USH2A: variants seen among roughly 807,000 people sequenced by gnomAD.
The protein encoded by USH2A is usherin.
USH2A carries 443 observed loss-of-function variants against 538.9 expected under a neutral mutation model. The ratio of observed to expected loss-of-function variants is 0.82; its 90% CI spans 0.76 to 0.89. The LOEUF is 0.89. USH2A is among the 40% of genes least tolerant of loss of function. The pLI, the probability that USH2A is intolerant of heterozygous loss-of-function variation, is 0.00. For synonymous variants in USH2A, 2,413 were observed against 2,273.5 expected (o/e 1.06, Z -1.75); for missense variants, 6,633 against 6,324.8 (o/e 1.05, Z -1.65).
At chr1:215,880,319 G>T (rs142501357) in intron 41 of USH2A, among the ~76,000 whole-genome samples, 1 of 152,044 alleles carries the variant, frequency 6.6e-6, no homozygotes, top group Non-Finnish European at 1.5e-5. Flanking sequence ...ACTAATAATT[G>T]GTGACAAAAG....
intron 60 of USH2A, among the ~76,000 whole-genome samples, chr1:215,739,592 C>A (rs1406370046): frequency 6.6e-6 from 1 of 152,216 alleles, no homozygotes; most frequent in Non-Finnish European, 1.5e-5. Context: ...TTAGAGCCTG[C>A]ACTAATGTGC....
intron 14 of USH2A, 64 bp downstream of exon 14, chr1:216,231,889 C>A (rs2035703113): frequency 6.2e-7 from 1 of 1,603,372 alleles, no homozygotes; most frequent in Non-Finnish European, 8.5e-7. Context: ...TGCTTTGCAA[C>A]TGCCAAAAAA....
intron 61 of USH2A, among the ~76,000 whole-genome samples, chr1:215,692,012 A>G (rs1658629835): frequency 6.6e-6 from 1 of 152,224 alleles, no homozygotes; most frequent in African/African-American, 2.4e-5. Flanking sequence ...AGCTGAGACC[A>G]GGACAATAAA....
At chr1:215,862,090 G>A (rs1003189623) in intron 44 of USH2A, among the ~76,000 whole-genome samples, 3 of 152,016 alleles carry the variant, frequency 2.0e-5, no homozygotes, top group East Asian at 1.9e-4. Flanking sequence ...CGCCCACCTC[G>A]GCCTCCCAAA....
chr1:216,372,497 C>A (rs895226260), intron 3 of USH2A, among the ~76,000 whole-genome samples: 1 of 152,130 alleles, frequency 6.6e-6, no homozygotes, highest in Admixed American at 6.5e-5. Context: ...TAAAGCTCTT[C>A]ATATACTGCA....
At chr1:215,709,897 T>A (rs927345564) in intron 61 of USH2A, among the ~76,000 whole-genome samples, 5 of 152,222 alleles carry the variant, frequency 3.3e-5, no homozygotes, top group African/African-American at 1.2e-4. Context: ...ATTTCTAGGG[T>A]TGAATGATTT....
chr1:216,254,093 A>G (rs1401895263), intron 11 of USH2A, among the ~76,000 whole-genome samples: 2 of 152,180 alleles, frequency 1.3e-5, no homozygotes, highest in East Asian at 3.9e-4. Context: ...AATTCTTTCT[A>G]TATGAACTCT....
At chr1:215,642,248 A>T (rs980801430) in intron 67 of USH2A, among the ~76,000 whole-genome samples, 8 of 152,210 alleles carry the variant, frequency 5.3e-5, no homozygotes, top group Non-Finnish European at 5.9e-5. Flanking sequence ...ACTTTATCTC[A>T]TTTAATCCTC....
At chr1:216,235,619 C>G (rs1035711612) in intron 13 of USH2A, among the ~76,000 whole-genome samples, 20 of 152,294 alleles carry the variant, frequency 1.3e-4, no homozygotes, top group African/African-American at 4.3e-4. Context: ...CTGGTATTAT[C>G]TCCTGCAGCG....
At chr1:215,852,757 A>G (rs1664051314) in intron 44 of USH2A, among the ~76,000 whole-genome samples, 1 of 152,228 alleles carries the variant, frequency 6.6e-6, no homozygotes, top group South Asian at 2.1e-4. Flanking sequence ...TCCAAAATCA[A>G]GCAGGGAAGT....
At chr1:216,086,979 C>A in intron 23 of USH2A, 159 bp from the exon 24 acceptor site, 1 of 632,838 alleles carries the variant, frequency 1.6e-6, no homozygotes. Flanking sequence ...GGCTCTTCCT[C>A]AACATCCCAG....
chr1:216,265,777 T>C (rs1055958618), intron 11 of USH2A, among the ~76,000 whole-genome samples: 4 of 152,078 alleles, frequency 2.6e-5, no homozygotes, highest in Non-Finnish European at 5.9e-5. Flanking sequence ...GACATTATGT[T>C]AAGTGAAATA....
At chr1:216,029,171 G>A (rs766618359) in intron 32 of USH2A, among the ~76,000 whole-genome samples, 4 of 152,006 alleles carry the variant, frequency 2.6e-5, no homozygotes, top group Non-Finnish European at 5.9e-5. Context: ...TAAAAATTAA[G>A]ACTCTCTCCA....
chr1:215,970,886 C>A, intron 35 of USH2A, 110 bp from the exon 36 acceptor site: 1 of 1,106,276 alleles, frequency 9.0e-7, no homozygotes. Flanking sequence ...ATCATTAAAT[C>A]ACAGACTCTG....
At position 216,066,448 on chromosome 1, in the gene USH2A, A is replaced by G. The variant is rs2102542708; in HGVS notation, c.6049+3653T>C. Among the ~76,000 whole-genome samples the G allele has an allele frequency of 1.3e-5, 2 of 152,236 alleles. 1 individual carries two copies. On this transcript the variant is annotated intron_variant, in intron 30 of 71. Coordinates refer to ENST00000307340, the MANE Select transcript of USH2A (RefSeq NM_206933.4). ...GCCACTGCACTACAGCCTGGGCGAC[A>G]GAGTGAGACTTCATTAAATAATAAT...
intron 43 of USH2A, among the ~76,000 whole-genome samples, chr1:215,877,397 G>C (rs1664798105): frequency 6.6e-6 from 1 of 152,070 alleles, no homozygotes; most frequent in Non-Finnish European, 1.5e-5. Flanking sequence ...GCCATTTCTA[G>C]AAATAGCAAG....
chr1:216,126,943 G>C (rs1348489105), intron 21 of USH2A, among the ~76,000 whole-genome samples: 1 of 152,150 alleles, frequency 6.6e-6, no homozygotes, highest in Non-Finnish European at 1.5e-5. Context: ...ATGTATGTTT[G>C]ATAAAGATGA....
Position 215,998,798 on chromosome 1 carries a change from TAAG to T in USH2A, c.6657+86_6657+88del. ...ATGAAGATTTTGACTTTTTTTTTTT[TAAG>T]TGAGAGAGAAAGAAAAGATGGACCA... On this transcript the variant is annotated intron_variant, in intron 34 of 71. Transcript: ENST00000307340. The T allele has an allele frequency of 4.3e-6, 6 of 1,411,746 alleles. No homozygotes were observed. The Admixed American group carries it at 5.6e-5, about 13-fold the overall frequency. 87.5% of individuals were successfully genotyped at this position (1,411,746 alleles called of 1,614,324 possible). A position where few individuals can be genotyped will look rare whatever the true frequency, so the allele number is the denominator to read the frequency against.
chr1:216,185,202 C>G (rs1210921929), intron 20 of USH2A, among the ~76,000 whole-genome samples: 3 of 151,876 alleles, frequency 2.0e-5, no homozygotes, highest in African/African-American at 7.2e-5. Flanking sequence ...GAGAGAGATG[C>G]AGCTGCTCCT....
Sources: gnomAD v4.1 joint callset for allele counts (sites outside exome capture counted in the v4.1 genomes callset) on GRCh38, gnomAD v4.1.1 for gene constraint, MANE v1.5 for transcripts, NCBI Gene and HGNC (gene_info 2026-07-23, HGNC 2026-07-21) for gene names.